FGGY: variants seen among roughly 807,000 people sequenced by gnomAD.
FGGY encodes FGGY carbohydrate kinase domain-containing protein.
Under a neutral mutation model 71.3 loss-of-function variants are expected in FGGY, and 72 were observed. The ratio of observed to expected loss-of-function variants is 1.01; its 90% CI spans 0.84 to 1.23. The LOEUF (loss-of-function observed/expected upper bound fraction) is 1.23. FGGY is among the 50% of genes most tolerant of loss of function. FGGY has a pLI of 0.00. For missense variants in FGGY, 668 were observed against 682.3 expected, an observed-to-expected ratio of 0.98 and a Z score of 0.23; for synonymous variants, 251 against 250.3, an observed-to-expected ratio of 1.00 and a Z score of -0.02.
intron 14 of FGGY, among the ~76,000 whole-genome samples, chr1:59,748,591 G>A (rs2098219627): frequency 6.6e-6 from 1 of 152,164 alleles, no homozygotes; most frequent in Non-Finnish European, 1.5e-5. Context: ...GGAGACATCT[G>A]CATAAACTCC....
At chr1:59,625,857 C>G in intron 9 of FGGY, 131 bp from the exon 10 acceptor site, 1 of 577,282 alleles carries the variant, frequency 1.7e-6, no homozygotes, top group Non-Finnish European at 2.8e-6. Context: ...GCTACATTGG[C>G]ATTTTAATGT....
At chr1:59,539,161 A>G (rs1391415147) in intron 7 of FGGY, among the ~76,000 whole-genome samples, 2 of 152,176 alleles carry the variant, frequency 1.3e-5, no homozygotes, top group East Asian at 1.9e-4. Context: ...ATGTTCATTG[A>G]TTGGAAAACA....
intron 14 of FGGY, among the ~76,000 whole-genome samples, chr1:59,748,443 A>G (rs2098218292): frequency 2.0e-5 from 3 of 152,188 alleles, no homozygotes; most frequent in Admixed American, 2.0e-4. Flanking sequence ...CAGACAGTCA[A>G]AGATCCTGGA....
chr1:59,584,263 A>T (rs541115265), intron 8 of FGGY, among the ~76,000 whole-genome samples: 1 of 149,880 alleles, frequency 6.7e-6, no homozygotes, highest in Non-Finnish European at 1.5e-5. Context: ...CGATGCAAAA[A>T]TCCTCAATAA....
chr1:59,427,952 A>G (rs907640432), intron 5 of FGGY, among the ~76,000 whole-genome samples: 1 of 152,186 alleles, frequency 6.6e-6, no homozygotes, highest in Non-Finnish European at 1.5e-5. Flanking sequence ...AGGACAGCAG[A>G]TAGATTAGCT....
Position 59,340,014 on chromosome 1 carries a change from G to A in FGGY, c.258G>A (p.Thr86=), listed in dbSNP as rs929484508. Residue 86 remains threonine, a synonymous_variant, in exon 3 of 16, where the codon ACG becomes ACA. Coordinates refer to ENST00000303721, the MANE Select transcript of FGGY (RefSeq NM_018291.5). The part of the protein sequence containing the change: ...NQIRGLGFDA[T]CSLVVLDKQF... ...TTCGAGGACTTGGGTTTGATGCCACGTGTTCTCTGGTTGTTTTGGATAAGC... is the reference window on the plus strand; with the variant it reads ...TTCGAGGACTTGGGTTTGATGCCACATGTTCTCTGGTTGTTTTGGATAAGC... 8.1e-6 allele frequency: 13 copies of A among 1,613,260 alleles called. No individual in the cohort carries two copies. Among genetic ancestry groups the A allele is most frequent in the Admixed American group, 5.0e-5 (3 of 59,912 alleles).
intron 14 of FGGY, among the ~76,000 whole-genome samples, chr1:59,745,342 G>C (rs898655536): frequency 6.6e-6 from 1 of 152,150 alleles, no homozygotes; most frequent in African/African-American, 2.4e-5. Context: ...TTGCCTCTTA[G>C]CTTCGATTAT....
intron 14 of FGGY, among the ~76,000 whole-genome samples, chr1:59,732,980 C>A (rs930140143): frequency 3.9e-5 from 6 of 152,090 alleles, no homozygotes; most frequent in Non-Finnish European, 8.8e-5. Flanking sequence ...TCTGTTCATT[C>A]GCTCTGCTTC....
chr1:59,466,538 C>G (rs529499578), intron 6 of FGGY, among the ~76,000 whole-genome samples: 1 of 152,158 alleles, frequency 6.6e-6, no homozygotes, highest in East Asian at 1.9e-4. Context: ...TTCTGCACAG[C>G]AAAAGAAACT....
chr1:59,640,299 C>T (rs2097008709), intron 11 of FGGY, among the ~76,000 whole-genome samples: 1 of 152,188 alleles, frequency 6.6e-6, no homozygotes, highest in Non-Finnish European at 1.5e-5. Context: ...CCCCAAATCT[C>T]CTTCCTTCAG....
intron 4 of FGGY, among the ~76,000 whole-genome samples, chr1:59,350,292 G>A (rs1226351706): frequency 6.6e-6 from 1 of 152,124 alleles, no homozygotes; most frequent in Non-Finnish European, 1.5e-5. Context: ...AGTCCACTAG[G>A]GATAGTGGTA....
rs992205745 is a variant in FGGY at position 59,653,076 on chromosome 1, T to G, written c.1222-7143T>G. Among the ~76,000 whole-genome samples the G allele has an allele frequency of 3.5e-4, 54 of 152,290 alleles. 1 individual carries two copies. Among genetic ancestry groups the G allele is most frequent in the African/African-American group, 8.9e-4 (37 of 41,538 alleles). ...CAGTTAGGCTGCTCGTGGGTCAGGG[T>G]TCAGCGACCCACTTGAGGAGGCAGT... is the stretch of plus-strand genomic sequence containing the variant. On this transcript the variant is annotated intron_variant, in intron 11 of 15. Coordinates refer to ENST00000303721, the MANE Select transcript of FGGY (RefSeq NM_018291.5).
At chr1:59,489,011 G>A (rs4912398) in intron 6 of FGGY, among the ~76,000 whole-genome samples, 38,655 of 151,878 alleles carry the variant, frequency 0.25, 5,962 homozygotes, top group Middle Eastern at 0.47. Flanking sequence ...TTCCTTATAT[G>A]TTATTCATGT....
chr1:59,690,800 C>T (rs1217201985), intron 14 of FGGY, among the ~76,000 whole-genome samples: 1 of 152,220 alleles, frequency 6.6e-6, no homozygotes, highest in Non-Finnish European at 1.5e-5. Context: ...TGGGGATGGA[C>T]TTAGATTTAA....
chr1:59,499,009 TTTACAGTTCCAAA>T (rs2094135186), intron 6 of FGGY, among the ~76,000 whole-genome samples: 1 of 152,158 alleles, frequency 6.6e-6, no homozygotes, highest in Non-Finnish European at 1.5e-5. Context: ...GGAGCTCTAT[TTTACAGTTCCAAA>T]TTACCATCCC....
chr1:59,456,096 G>A (rs1009046959), intron 5 of FGGY, among the ~76,000 whole-genome samples: 4 of 151,974 alleles, frequency 2.6e-5, no homozygotes, highest in East Asian at 1.9e-4. Flanking sequence ...AACATGTAGC[G>A]AGAGTAGTAT....
rs187579685 is a variant in FGGY at position 59,321,728 on chromosome 1, C to G, written c.179C>G (p.Ala60Gly). 1 of 1,611,552 alleles carries G rather than the reference C, an allele frequency of 6.2e-7. No homozygotes were observed. The highest frequency in any genetic ancestry group is 2.2e-5 in the East Asian group (1 of 44,848). ...HHEQSSEDIW[A>G]ACCVVTKKVV... ...GAGCAGTCCTCCGAGGACATCTGGGCTGCGTGCTGTGTTGTCACAAAGGTA... is the reference window on the plus strand; with the variant it reads ...GAGCAGTCCTCCGAGGACATCTGGGGTGCGTGCTGTGTTGTCACAAAGGTA... Residue 60 changes from alanine (A) to glycine (G), a missense_variant, in exon 2 of 16, where the codon GCT (alanine) becomes GGT (glycine). This residue lies in a region of FGGY where 661 missense variants were observed against 661.6 expected (regional missense o/e 1.00). Coordinates refer to ENST00000303721, the MANE Select transcript of FGGY (RefSeq NM_018291.5).
intron 6 of FGGY, among the ~76,000 whole-genome samples, chr1:59,492,864 G>T (rs1030679786): frequency 5.3e-5 from 8 of 151,972 alleles, no homozygotes; most frequent in Non-Finnish European, 1.0e-4. Context: ...TAAGCACTTT[G>T]GGGTTCTATA....
At chr1:59,367,562 C>A (rs2056796047) in intron 4 of FGGY, among the ~76,000 whole-genome samples, 1 of 152,216 alleles carries the variant, frequency 6.6e-6, no homozygotes, top group African/African-American at 2.4e-5. Context: ...CAGATAGAAT[C>A]CCTTTGCAAT....
Sources: gnomAD v4.1 joint callset for allele counts (sites outside exome capture counted in the v4.1 genomes callset) on GRCh38, gnomAD v4.1.1 for gene constraint, gnomAD v4.1.1 regional missense constraint, MANE v1.5 for transcripts, NCBI Gene and HGNC (gene_info 2026-07-23, HGNC 2026-07-21) for gene names.